EYS: variants seen among roughly 807,000 people sequenced by gnomAD.
EYS encodes EGF-like photoreceptor maintenance factor, also known as protein eyes shut homolog.
A neutral mutation model predicts 282.1 loss-of-function variants in EYS; 250 were observed. The observed-to-expected ratio is 0.89, with a 90% CI of 0.80 to 0.98. EYS has a LOEUF of 0.98. Ranked by LOEUF, EYS falls within the 50% of genes least tolerant of loss-of-function variation. The pLI is 0.00. For missense variants in EYS, 4,016 were observed against 3,709.0 expected, an observed-to-expected ratio of 1.08 and a Z score of -2.15; for synonymous variants, 1,355 against 1,282.9, an observed-to-expected ratio of 1.06 and a Z score of -1.20.
At chr6:65,369,281 A>T (rs1416269213) in intron 8 of EYS, among the ~76,000 whole-genome samples, 2 of 117,024 alleles carry the variant, frequency 1.7e-5, no homozygotes, top group Non-Finnish European at 3.7e-5. Context: ...ATATATTTAT[A>T]TATATTATAT....
chr6:63,849,226 G>A (rs996930256), intron 36 of EYS, among the ~76,000 whole-genome samples: 1 of 152,200 alleles, frequency 6.6e-6, no homozygotes, highest in African/African-American at 2.4e-5. Flanking sequence ...CCCTGGGACA[G>A]AGCACCTGGG....
chr6:64,040,257 G>T (rs188980331), intron 33 of EYS, among the ~76,000 whole-genome samples: 1 of 152,256 alleles, frequency 6.6e-6, no homozygotes. Context: ...TGTGCTTGTG[G>T]TAATGTGGTG....
intron 35 of EYS, among the ~76,000 whole-genome samples, chr6:63,955,089 C>T (rs1306007940): frequency 6.6e-6 from 1 of 152,154 alleles, no homozygotes; most frequent in African/African-American, 2.4e-5. Flanking sequence ...TGGGTAGACA[C>T]TTTCACTGAA....
intron 7 of EYS, 148 bp downstream of exon 7, chr6:65,402,329 GC>G (rs1475267101): frequency 4.3e-6 from 2 of 467,206 alleles, no homozygotes; most frequent in Non-Finnish European, 7.6e-6. Flanking sequence ...CCCAAAACAT[GC>G]AAAAAAAATT....
At chr6:64,123,213 AT>A (rs1174621913) in intron 31 of EYS, among the ~76,000 whole-genome samples, 3 of 152,210 alleles carry the variant, frequency 2.0e-5, no homozygotes, top group African/African-American at 7.2e-5. Context: ...ACATATGCAT[AT>A]TCCATTCGAG....
chr6:65,638,855 ACT>A (rs1767181762), intron 2 of EYS, among the ~76,000 whole-genome samples: 1 of 152,164 alleles, frequency 6.6e-6, no homozygotes. Context: ...CCCAAGCAAA[ACT>A]CAGGCAAACG....
chr6:64,003,141 G>C (rs1768176026), intron 33 of EYS, among the ~76,000 whole-genome samples: 1 of 152,168 alleles, frequency 6.6e-6, no homozygotes, highest in Non-Finnish European at 1.5e-5. Context: ...AATAGAATGA[G>C]ATCCTGTCAT....
intron 12 of EYS, among the ~76,000 whole-genome samples, chr6:65,211,610 T>C (rs1766177995): frequency 6.6e-6 from 1 of 152,020 alleles, no homozygotes; most frequent in Admixed American, 6.6e-5. Flanking sequence ...TATTCTTGCA[T>C]CTATCCATAC....
rs539678302 is a variant in EYS at position 64,281,979 on chromosome 6, T to G, written c.6191+24991A>C. On this transcript the variant is annotated intron_variant, in intron 30 of 42. Coordinates refer to ENST00000503581, the MANE Select transcript of EYS (RefSeq NM_001142800.2). ...GATAAAATTGATGTAACTTACTGAC[T>G]GCATAAAGGGCAGAGTGGTGAGAGA... is the stretch of plus-strand genomic sequence containing the variant. Among the ~76,000 whole-genome samples, 5 of 152,264 alleles carry G rather than the reference T, an allele frequency of 3.3e-5. No individual in the cohort carries two copies. In the South Asian group the frequency reaches 1.0e-3, roughly 32 times the overall value.
intron 41 of EYS, among the ~76,000 whole-genome samples, chr6:63,756,082 C>T (rs1044746056): frequency 2.6e-5 from 4 of 152,134 alleles, no homozygotes; most frequent in African/African-American, 9.7e-5. Flanking sequence ...CAAACAGAGA[C>T]AATTTGACTT....
At chr6:65,058,980 A>G (rs918509148) in intron 12 of EYS, among the ~76,000 whole-genome samples, 5 of 152,104 alleles carry the variant, frequency 3.3e-5, no homozygotes, top group African/African-American at 1.2e-4. Context: ...ACCTACATCA[A>G]ATTAATCTAA....
chr6:64,988,207 T>C (rs1461756711), intron 14 of EYS, among the ~76,000 whole-genome samples: 1 of 151,424 alleles, frequency 6.6e-6, no homozygotes, highest in Non-Finnish European at 1.5e-5. Flanking sequence ...TCACTTGGAC[T>C]TAGCCAGATT....
At chr6:64,323,014 C>T (rs1582596846) in intron 29 of EYS, among the ~76,000 whole-genome samples, 1 of 152,068 alleles carries the variant, frequency 6.6e-6, no homozygotes, top group Non-Finnish European at 1.5e-5. Context: ...ATACTAATTT[C>T]CCATGATTTC....
intron 5 of EYS, among the ~76,000 whole-genome samples, chr6:65,466,458 T>A (rs1167931461): frequency 1.3e-5 from 2 of 151,978 alleles, no homozygotes; most frequent in East Asian, 1.9e-4. Flanking sequence ...CATGGGAGAA[T>A]ATGTTGGACA....
At position 64,312,969 on chromosome 6, in the gene EYS, T is replaced by A. The variant is rs139425122; in HGVS notation, c.6079-5887A>T. ...TGAAAATTCCAAAAACCAGAATGCC[T>A]CTTCTTCTCCAAAGGATCACAACTC... On this transcript the variant is annotated intron_variant, in intron 29 of 42. Transcript: ENST00000503581. Among the ~76,000 whole-genome samples the A allele has an allele frequency of 7.6e-3, 465 of 61,232 alleles. 2 individuals are homozygous for A. Among genetic ancestry groups the A allele is most frequent in the African/African-American group, 0.018 (432 of 23,486 alleles). The allele number at this position is 61,232 out of a possible 152,430, so 40.2% of individuals were successfully genotyped here. A position where few individuals can be genotyped will look rare whatever the true frequency, so the allele number is the denominator to read the frequency against.
chr6:64,553,866 T>G (rs914072087), intron 26 of EYS, among the ~76,000 whole-genome samples: 1 of 152,140 alleles, frequency 6.6e-6, no homozygotes, highest in Admixed American at 6.6e-5. Context: ...CCTAATAATT[T>G]TTCCTATACA....
intron 33 of EYS, among the ~76,000 whole-genome samples, chr6:64,002,750 C>T (rs1040537667): frequency 1.3e-5 from 2 of 152,116 alleles, no homozygotes; most frequent in Non-Finnish European, 1.5e-5. Flanking sequence ...GTTGCCCAGG[C>T]GGGTCTTGAA....
At chr6:64,033,844 CTCTA>C (rs56128246) in intron 33 of EYS, among the ~76,000 whole-genome samples, 4,921 of 140,984 alleles carry the variant, frequency 0.035, 154 homozygotes, top group African/African-American at 0.085. Flanking sequence ...CTCTCTCTCT[CTCTA>C]TATATATATA....
At chr6:63,927,470 T>C (rs972801733) in intron 35 of EYS, among the ~76,000 whole-genome samples, 1 of 152,214 alleles carries the variant, frequency 6.6e-6, no homozygotes, top group Non-Finnish European at 1.5e-5. Flanking sequence ...ATAAAACAAT[T>C]AACATTTCTG....
Sources: allele counts gnomAD v4.1 joint callset (sites outside exome capture counted in the v4.1 genomes callset), GRCh38; gene constraint gnomAD v4.1.1; transcripts MANE v1.5; gene names NCBI Gene and HGNC (gene_info 2026-07-23, HGNC 2026-07-21).